Variants in SLC4A10 observed in about 807,000 individuals in gnomAD.
The protein encoded by SLC4A10 is sodium-driven chloride bicarbonate exchanger.
Under a neutral mutation model 137.7 loss-of-function variants are expected in SLC4A10, and 42 were observed. That is an observed-to-expected ratio of 0.30 (90% CI 0.24 to 0.39). The LOEUF (loss-of-function observed/expected upper bound fraction) is 0.39, where lower values mean the gene tolerates loss of function less well. Among genes scored for constraint, SLC4A10 ranks in the 10% least tolerant of loss-of-function variants. SLC4A10 has a pLI of 1.00. For synonymous variants in SLC4A10, 474 were observed against 464.1 expected (o/e 1.02, Z -0.27); for missense variants, 925 against 1,355.0 (o/e 0.68, Z 4.98).
intron 1 of SLC4A10, among the ~76,000 whole-genome samples, chr2:161,761,007 TA>T (rs1193162613): frequency 6.6e-6 from 1 of 151,942 alleles, no homozygotes; most frequent in African/African-American, 2.4e-5. Context: ...TAAATAATAT[TA>T]AAAACAATAA....
intron 3 of SLC4A10, among the ~76,000 whole-genome samples, chr2:161,818,655 A>G (rs913598917): frequency 1.3e-5 from 2 of 152,202 alleles, no homozygotes; most frequent in African/African-American, 2.4e-5. Context: ...ACATCCCATC[A>G]ATACCTAATT....
At chr2:161,924,350 C>T (rs1276979826) in intron 15 of SLC4A10, among the ~76,000 whole-genome samples, 1 of 151,880 alleles carries the variant, frequency 6.6e-6, no homozygotes, top group African/African-American at 2.4e-5. Context: ...TTTGAGCCAC[C>T]AAGAGTTGGT....
At chr2:161,924,264 T>A (rs959480851) in intron 15 of SLC4A10, among the ~76,000 whole-genome samples, 2 of 152,134 alleles carry the variant, frequency 1.3e-5, no homozygotes, top group Admixed American at 6.6e-5. Context: ...TTTTCTCACA[T>A]TTTTCTTGAT....
chr2:161,652,653 T>C (rs931057093), intron 1 of SLC4A10, among the ~76,000 whole-genome samples: 2 of 152,180 alleles, frequency 1.3e-5, no homozygotes, highest in African/African-American at 2.4e-5. Flanking sequence ...TAAAATACAG[T>C]CTTGTTCACT....
intron 1 of SLC4A10, among the ~76,000 whole-genome samples, chr2:161,649,687 A>G (rs531079800): frequency 4.6e-5 from 7 of 151,960 alleles, no homozygotes; most frequent in South Asian, 4.2e-4. Flanking sequence ...AAATTTATCA[A>G]TCTTTTCATT....
intron 1 of SLC4A10, among the ~76,000 whole-genome samples, chr2:161,664,069 T>C (rs985762771): frequency 6.6e-6 from 1 of 151,996 alleles, no homozygotes; most frequent in African/African-American, 2.4e-5. Flanking sequence ...AGGCTTCATT[T>C]AGGGAATATT....
At chr2:161,746,295 T>C (rs990649995) in intron 1 of SLC4A10, among the ~76,000 whole-genome samples, 2 of 151,962 alleles carry the variant, frequency 1.3e-5, no homozygotes, top group African/African-American at 4.8e-5. Context: ...GTACCCAGGC[T>C]GCAAGACAAA....
rs561929124 is a variant in SLC4A10 at position 161,960,602 on chromosome 2, C to A, written c.2862+2047C>A. Among the ~76,000 whole-genome samples, 3 of 151,700 alleles carry A rather than the reference C, an allele frequency of 2.0e-5. No individual in the cohort carries two copies. In the South Asian group the frequency reaches 6.3e-4, roughly 32 times the overall value. On this transcript the variant is annotated intron_variant, in intron 21 of 26. Transcript: ENST00000446997. ...GGGTGTGGTGGTGCATGCCTGTAAT[C>A]CCAGCTACTCAGGAGGTTGAGATAG...
At chr2:161,712,486 A>C (rs530166076) in intron 1 of SLC4A10, among the ~76,000 whole-genome samples, 4 of 152,014 alleles carry the variant, frequency 2.6e-5, no homozygotes, top group Non-Finnish European at 4.4e-5. Context: ...AATGTCCAAG[A>C]CAAAAAATTT....
intron 1 of SLC4A10, among the ~76,000 whole-genome samples, chr2:161,670,547 C>T (rs2039574710): frequency 1.4e-5 from 2 of 146,024 alleles, no homozygotes; most frequent in African/African-American, 5.0e-5. Flanking sequence ...CTCGTGCGTA[C>T]ATAATTTACT....
At chr2:161,844,868 A>G (rs1159098748) in intron 4 of SLC4A10, among the ~76,000 whole-genome samples, 1 of 152,106 alleles carries the variant, frequency 6.6e-6, no homozygotes, top group Non-Finnish European at 1.5e-5. Context: ...AGACATACTG[A>G]AGGAAATGAA....
intron 1 of SLC4A10, among the ~76,000 whole-genome samples, chr2:161,695,101 C>G (rs529367192): frequency 6.6e-6 from 1 of 151,942 alleles, no homozygotes; most frequent in East Asian, 1.9e-4. Flanking sequence ...TGGAGTTCAA[C>G]AAAATATAGA....
rs749591611 is a variant in SLC4A10 at position 161,942,888 on chromosome 2, A to T, written c.2094A>T (p.Leu698=). The T allele has an allele frequency of 3.8e-6, 6 of 1,591,328 alleles. No homozygotes were observed. Among genetic ancestry groups the T allele is most frequent in the Non-Finnish European group, 5.1e-6 (6 of 1,167,828 alleles). The change falls in exon 16 of 27, where the codon CTA becomes CTT. Residue 698 remains leucine (L), a synonymous_variant. Transcript: ENST00000446997. ...CCTCTGACATAATTTGGGAGAACCT[A>T]ACTGTGTCAGTAAGTAAAACACTGA... The part of the protein sequence containing the change: ...ISASDIIWEN[L]TVSECKSLHG...
At chr2:161,925,653 A>G (rs1575669274) in intron 15 of SLC4A10, among the ~76,000 whole-genome samples, 3 of 152,018 alleles carry the variant, frequency 2.0e-5, no homozygotes, top group Non-Finnish European at 2.9e-5. Context: ...TAGGGTGTCA[A>G]TTTTGGATCT....
chr2:161,708,345 T>C (rs565205927), intron 1 of SLC4A10, among the ~76,000 whole-genome samples: 4 of 151,530 alleles, frequency 2.6e-5, no homozygotes, highest in Non-Finnish European at 5.9e-5. Flanking sequence ...CATTTTAACA[T>C]GGTATTTGCA....
At chr2:161,978,326 G>A (rs746536816) in intron 26 of SLC4A10, among the ~76,000 whole-genome samples, 2 of 145,680 alleles carry the variant, frequency 1.4e-5, no homozygotes. Context: ...GGCAGAGGTT[G>A]CAGTGAGCTG....
intron 1 of SLC4A10, among the ~76,000 whole-genome samples, chr2:161,750,584 G>A (rs2048865227): frequency 6.6e-6 from 1 of 151,750 alleles, no homozygotes; most frequent in Non-Finnish European, 1.5e-5. Flanking sequence ...GTGACATCGT[G>A]GTTGGAAGAT....
intron 1 of SLC4A10, among the ~76,000 whole-genome samples, chr2:161,634,040 A>G (rs1420998714): frequency 6.6e-6 from 1 of 151,812 alleles, no homozygotes; most frequent in African/African-American, 2.4e-5. Context: ...AAACTACCAT[A>G]TTCGAATATC....
At chr2:161,877,667 G>T (rs1212667271) in intron 8 of SLC4A10, among the ~76,000 whole-genome samples, 1 of 151,796 alleles carries the variant, frequency 6.6e-6, no homozygotes, top group East Asian at 1.9e-4. Flanking sequence ...TTCCACAAAA[G>T]CAAAATATTT....
Sources: gnomAD v4.1 joint callset for allele counts (sites outside exome capture counted in the v4.1 genomes callset) on GRCh38, gnomAD v4.1.1 for gene constraint, MANE v1.5 for transcripts, NCBI Gene and HGNC (gene_info 2026-07-23, HGNC 2026-07-21) for gene names.